KCNIP4: variants seen among roughly 807,000 people sequenced by gnomAD.
The protein encoded by KCNIP4 is Kv channel-interacting protein 4.
Under a neutral mutation model 34.0 loss-of-function variants are expected in KCNIP4, and 12 were observed. The ratio of observed to expected loss-of-function variants is 0.35; its 90% CI spans 0.23 to 0.57. The LOEUF is 0.57. KCNIP4 is among the 20% of genes least tolerant of loss of function. The probability of loss-of-function intolerance (pLI) is 0.83; values close to 1 mark genes in which losing one functional copy is unlikely to be tolerated. For missense variants in KCNIP4, 238 were observed against 311.7 expected, an observed-to-expected ratio of 0.76 and a Z score of 1.78; for synonymous variants, 124 against 102.2, an observed-to-expected ratio of 1.21 and a Z score of -1.29.
rs564952348 is a variant in KCNIP4 at position 21,842,347 on chromosome 4, C to T, written c.61+106224G>A. On this transcript the variant is annotated intron_variant, in intron 1 of 8. Coordinates refer to ENST00000382152, the MANE Select transcript of KCNIP4 (RefSeq NM_025221.6). ...TTAGAGCTCCAATGAGATGCTTTTG[C>T]TTTTTTTAAACAGTCTATGTTGCCA... 2.4e-4 allele frequency among the ~76,000 whole-genome samples: 36 copies of T among 152,042 alleles called. 1 individual carries two copies. The South Asian group carries it at 2.7e-3, about 11-fold the overall frequency.
intron 1 of KCNIP4, among the ~76,000 whole-genome samples, chr4:21,772,472 T>C (rs1718867964): frequency 6.6e-6 from 1 of 152,128 alleles, no homozygotes; most frequent in Non-Finnish European, 1.5e-5. Context: ...TCCTGTTCAA[T>C]TGTTTGGAAT....
At chr4:21,191,204 T>C (rs1237311647) in intron 1 of KCNIP4, among the ~76,000 whole-genome samples, 3 of 152,182 alleles carry the variant, frequency 2.0e-5, no homozygotes, top group Admixed American at 1.3e-4. Flanking sequence ...ACATTACTTA[T>C]CCAGCATTCT....
At chr4:21,923,408 C>A (rs1001852144) in intron 1 of KCNIP4, among the ~76,000 whole-genome samples, 1 of 152,042 alleles carries the variant, frequency 6.6e-6, no homozygotes, top group Non-Finnish European at 1.5e-5. Context: ...AGGGTAAAAC[C>A]CTGTCTCTAT....
chr4:21,885,398 T>C (rs1356995663), intron 1 of KCNIP4, among the ~76,000 whole-genome samples: 1 of 152,172 alleles, frequency 6.6e-6, no homozygotes, highest in Non-Finnish European at 1.5e-5. Context: ...TTTTGCTTCA[T>C]TGTTATTGCA....
At chr4:21,290,500 C>CT (rs1431725039) in intron 1 of KCNIP4, among the ~76,000 whole-genome samples, 1 of 152,072 alleles carries the variant, frequency 6.6e-6, no homozygotes, top group Non-Finnish European at 1.5e-5. Flanking sequence ...CGTGTGTATA[C>CT]TTTTTTAATG....
intron 1 of KCNIP4, among the ~76,000 whole-genome samples, chr4:21,762,476 C>T (rs989337866): frequency 3.9e-5 from 6 of 152,052 alleles, no homozygotes; most frequent in African/African-American, 1.4e-4. Context: ...ATATTTTCCC[C>T]ATTGCCTAGT....
chr4:20,929,651 C>CA (rs1293333395), intron 1 of KCNIP4, among the ~76,000 whole-genome samples: 11 of 151,804 alleles, frequency 7.2e-5, no homozygotes, highest in African/African-American at 2.4e-4. Context: ...AAAGATTCCA[C>CA]AAAAAACTGA....
At chr4:21,546,050 C>T (rs769574340) in intron 1 of KCNIP4, among the ~76,000 whole-genome samples, 13 of 151,998 alleles carry the variant, frequency 8.6e-5, no homozygotes, top group South Asian at 4.1e-4. Context: ...CTTTCTTATG[C>T]GAGACCTAAG....
At chr4:21,528,711 GA>G (rs1227301619) in intron 1 of KCNIP4, among the ~76,000 whole-genome samples, 1 of 254 alleles carries the variant, frequency 3.9e-3, no homozygotes, top group Non-Finnish European at 6.9e-3. Context: ...AAGAAAGAAA[GA>G]AAGAAAGAAA....
chr4:20,825,984 T>A (rs1278017635), intron 3 of KCNIP4, among the ~76,000 whole-genome samples: 1 of 152,110 alleles, frequency 6.6e-6, no homozygotes, highest in South Asian at 2.1e-4. Flanking sequence ...CATTACGTTT[T>A]TAAAATAGCA....
At chr4:21,889,924 A>G (rs184201094) in intron 1 of KCNIP4, among the ~76,000 whole-genome samples, 1 of 152,162 alleles carries the variant, frequency 6.6e-6, no homozygotes, top group Admixed American at 6.5e-5. Flanking sequence ...CCTTAGTGTT[A>G]GTTTGAATAT....
At chr4:21,374,968 T>C (rs1235320823) in intron 1 of KCNIP4, among the ~76,000 whole-genome samples, 2 of 147,534 alleles carry the variant, frequency 1.4e-5, no homozygotes, top group Admixed American at 6.6e-5. Context: ...TATTTCATAT[T>C]CATTTTTAAA....
chr4:20,990,296 T>C (rs1468358450), intron 1 of KCNIP4, among the ~76,000 whole-genome samples: 1 of 152,222 alleles, frequency 6.6e-6, no homozygotes, highest in Non-Finnish European at 1.5e-5. Context: ...CCAGATGAAC[T>C]TTCTGCTCAA....
chr4:21,129,282 A>T (rs918346431), intron 1 of KCNIP4, among the ~76,000 whole-genome samples: 3 of 152,152 alleles, frequency 2.0e-5, no homozygotes, highest in African/African-American at 7.2e-5. Context: ...TCTTTCCTTT[A>T]TAAATTTCCC....
chr4:21,269,529 C>T (rs967845805), intron 1 of KCNIP4, among the ~76,000 whole-genome samples: 1 of 152,180 alleles, frequency 6.6e-6, no homozygotes, highest in South Asian at 2.1e-4. Context: ...CCTCGGCCTC[C>T]CAAGTAGCTG....
intron 1 of KCNIP4, among the ~76,000 whole-genome samples, chr4:21,055,567 A>G (rs1286928203): frequency 6.6e-6 from 1 of 152,222 alleles, no homozygotes; most frequent in African/African-American, 2.4e-5. Flanking sequence ...GTACATACAG[A>G]CAATGAAATA....
intron 3 of KCNIP4, among the ~76,000 whole-genome samples, chr4:20,833,967 G>A (rs1718736793): frequency 6.6e-6 from 1 of 152,202 alleles, no homozygotes; most frequent in South Asian, 2.1e-4. Flanking sequence ...TAAACTGGGA[G>A]TGTGGTGAAG....
intron 1 of KCNIP4, among the ~76,000 whole-genome samples, chr4:21,895,054 C>T (rs1727307272): frequency 6.6e-6 from 1 of 152,146 alleles, no homozygotes; most frequent in Non-Finnish European, 1.5e-5. Flanking sequence ...GCTTTCCATC[C>T]ATAGTGGGAC....
At chr4:21,868,439 T>A (rs1023557988) in intron 1 of KCNIP4, among the ~76,000 whole-genome samples, 2 of 152,220 alleles carry the variant, frequency 1.3e-5, no homozygotes, top group Admixed American at 6.5e-5. Flanking sequence ...CCTGATAGCC[T>A]AAATGTATGA....
Sources: gnomAD v4.1 joint callset for allele counts (sites outside exome capture counted in the v4.1 genomes callset) on GRCh38, gnomAD v4.1.1 for gene constraint, MANE v1.5 for transcripts, NCBI Gene and HGNC (gene_info 2026-07-23, HGNC 2026-07-21) for gene names.